OAT: variants seen among roughly 807,000 people sequenced by gnomAD.
The protein encoded by OAT is ornithine aminotransferase, also known as ornithine aminotransferase, mitochondrial.
OAT carries 35 observed loss-of-function variants against 48.4 expected under a neutral mutation model. The ratio of observed to expected loss-of-function variants is 0.72; its 90% CI spans 0.55 to 0.96. The LOEUF (loss-of-function observed/expected upper bound fraction) is 0.96. OAT is among the 40% of genes least tolerant of loss of function. The pLI is 0.00. For synonymous variants in OAT, 182 were observed against 198.4 expected (o/e 0.92, Z 0.70); for missense variants, 438 against 537.9 (o/e 0.81, Z 1.84).
chr10:124,410,393 C>T (rs1484364812), intron 2 of OAT, among the ~76,000 whole-genome samples: 1 of 152,352 alleles, frequency 6.6e-6, no homozygotes, highest in East Asian at 1.9e-4. Context: ...CTGAATGCAA[C>T]TCATCGGAGG....
chr10:124,413,909 C>A (rs1012447232), intron 1 of OAT, among the ~76,000 whole-genome samples: 5 of 151,958 alleles, frequency 3.3e-5, no homozygotes, highest in African/African-American at 1.2e-4. Flanking sequence ...AGGCTTCACA[C>A]ACCTCTTTGT....
intron 9 of OAT, among the ~76,000 whole-genome samples, chr10:124,400,561 T>C (rs1951377568): frequency 6.6e-6 from 1 of 151,738 alleles, no homozygotes; most frequent in Admixed American, 6.6e-5. Flanking sequence ...GAGATCAGCC[T>C]GGCCAACATT....
At chr10:124,399,270 G>A (rs886356416) in intron 9 of OAT, among the ~76,000 whole-genome samples, 3 of 149,506 alleles carry the variant, frequency 2.0e-5, no homozygotes, top group South Asian at 2.1e-4. Context: ...TCCCAGATCC[G>A]TCAAATCAGA....
chr10:124,399,034 A>G (rs1242730559), intron 9 of OAT, among the ~76,000 whole-genome samples: 2 of 152,054 alleles, frequency 1.3e-5, no homozygotes, highest in Non-Finnish European at 2.9e-5. Context: ...CACTGTCTCA[A>G]AAAATAAAAT....
chr10:124,405,008 C>A (rs7094176), intron 5 of OAT, among the ~76,000 whole-genome samples: 1 of 152,098 alleles, frequency 6.6e-6, no homozygotes, highest in Non-Finnish European at 1.5e-5. Context: ...TGTGCCACTG[C>A]GCTCCAGCCT....
Position 124,397,396 on chromosome 10 carries a change from G to A in OAT, c.*546C>T, listed in dbSNP as rs1951263004. The A allele has an allele frequency of 6.6e-6, 1 of 152,164 alleles. No homozygotes were observed. Among genetic ancestry groups the A allele is most frequent in the African/African-American group, 2.4e-5 (1 of 41,408 alleles). The allele number at this position is 152,164 out of a possible 1,614,324, so 9.4% of individuals were successfully genotyped here. A position where few individuals can be genotyped will look rare whatever the true frequency, so the allele number is the denominator to read the frequency against. On this transcript the variant is annotated 3_prime_UTR_variant, in exon 10 of 10. Transcript: ENST00000368845. ...TAATCAAGCACTCAAAACAATTTAG[G>A]AATGTTAAACACTAATTCTTAATTC...
chr10:124,408,789 A>T lies in OAT; in HGVS notation c.376T>A (p.Tyr126Asn). The T allele has an allele frequency of 1.1e-5, 17 of 1,612,020 alleles. No homozygotes were observed. Among genetic ancestry groups the T allele is most frequent in the Non-Finnish European group, 1.4e-5 (17 of 1,179,498 alleles). The change falls in exon 3 of 10, where the codon TAT (tyrosine) becomes AAT (asparagine). Residue 126 changes from tyrosine to asparagine, a missense_variant. Transcript: ENST00000368845. ...YNNVLGEYEE[Y>N]ITKLFNYHKV... ...TGGTAGTTGAAAAGTTTAGTAATATACTCCTCATATTCACCAAGTACGTTA... is the reference window on the plus strand; with the variant it reads ...TGGTAGTTGAAAAGTTTAGTAATATTCTCCTCATATTCACCAAGTACGTTA...
chr10:124,408,305 GTGTGTGTGTGTGTA>G (rs1451586172), intron 4 of OAT, among the ~76,000 whole-genome samples: 11 of 51,384 alleles, frequency 2.1e-4, no homozygotes, highest in African/African-American at 1.1e-3. Context: ...GTGTGTGTGT[GTGTGTGTGTGTGTA>G]TATATATATA....
In OAT at chr10:124,413,069, G is replaced by A. The variant is rs138659699; in HGVS notation, c.-29-869C>T. On this transcript the variant is annotated intron_variant, in intron 1 of 9. Transcript: ENST00000368845. The stretch of plus-strand genomic sequence containing the variant: ...CCCACCACGGCCTCCCAAAGTTTTC[G>A]AATTAAAGGTGTGAGCCACTGTGCC... 9.3e-4 allele frequency among the ~76,000 whole-genome samples: 142 copies of A among 152,114 alleles called. 3 individuals carry two copies. In the East Asian group the frequency reaches 0.024, roughly 26 times the overall value.
At chr10:124,416,603 G>A (rs892139717) in intron 1 of OAT, among the ~76,000 whole-genome samples, 4 of 151,970 alleles carry the variant, frequency 2.6e-5, no homozygotes, top group Non-Finnish European at 5.9e-5. Context: ...TAATTAACAG[G>A]GTCCTTCAGG....
intron 8 of OAT, 72 bp from the exon 9 acceptor site, chr10:124,401,056 G>A (rs1951394908): frequency 7.7e-6 from 8 of 1,042,994 alleles, no homozygotes; most frequent in African/African-American, 1.6e-5. Flanking sequence ...AACGGGGACT[G>A]TAAACACAGG....
chr10:124,413,920 A>AC, intron 1 of OAT, among the ~76,000 whole-genome samples: 1 of 152,084 alleles, frequency 6.6e-6, no homozygotes, highest in East Asian at 1.9e-4. Context: ...ACCTCTTTGT[A>AC]CCCAATTTAC....
At chr10:124,399,601 T>A (rs998049833) in intron 9 of OAT, among the ~76,000 whole-genome samples, 2 of 152,056 alleles carry the variant, frequency 1.3e-5, no homozygotes, top group African/African-American at 4.8e-5. Flanking sequence ...CGTCTCGGCC[T>A]CCCAAAGTGC....
At chr10:124,413,221 A>G (rs529528050) in intron 1 of OAT, among the ~76,000 whole-genome samples, 1 of 152,076 alleles carries the variant, frequency 6.6e-6, no homozygotes, top group Non-Finnish European at 1.5e-5. Flanking sequence ...TAAAGTGTTC[A>G]CAGCAAGTTG....
chr10:124,399,335 ATTCTTT>A (rs1951331795), intron 9 of OAT, among the ~76,000 whole-genome samples: 2 of 100,370 alleles, frequency 2.0e-5, no homozygotes, highest in African/African-American at 3.6e-5. Context: ...TCCCCAGGTG[ATTCTTT>A]TTTTTTTTTT....
At position 124,397,573 on chromosome 10, in the gene OAT, C is replaced by T. The variant is rs1365718882; in HGVS notation, c.*369G>A. ...AAGATGAAGCCTTTTATGCAATACCCAGAGATAACTTTTTCAAATATGAAA... is the reference window on the plus strand; with the variant it reads ...AAGATGAAGCCTTTTATGCAATACCTAGAGATAACTTTTTCAAATATGAAA... On this transcript the variant is annotated 3_prime_UTR_variant, in exon 10 of 10. Coordinates refer to ENST00000368845, the MANE Select transcript of OAT (RefSeq NM_000274.4). 2 of 198,782 alleles carry T rather than the reference C, an allele frequency of 1.0e-5. No homozygotes were observed. Among genetic ancestry groups the T allele is most frequent in the African/African-American group, 4.7e-5 (2 of 42,130 alleles). 12.3% of individuals were successfully genotyped at this position (198,782 alleles called of 1,614,324 possible). A position where few individuals can be genotyped will look rare whatever the true frequency, so the allele number is the denominator to read the frequency against.
intron 1 of OAT, 87 bp from the exon 2 acceptor site, chr10:124,412,287 G>A: frequency 2.1e-6 from 2 of 971,258 alleles, no homozygotes; most frequent in Non-Finnish European, 3.2e-6. Flanking sequence ...GAGGTCAAAG[G>A]ATCACGTGAG....
chr10:124,399,406 C>A (rs897025662), intron 9 of OAT, among the ~76,000 whole-genome samples: 1 of 135,972 alleles, frequency 7.4e-6, no homozygotes, highest in Non-Finnish European at 1.5e-5. Context: ...AGTGCAGCGG[C>A]GCAATCTCAG....
At chr10:124,414,193 C>T (rs1402846299) in intron 1 of OAT, 1 of 152,192 alleles carries the variant, frequency 6.6e-6, no homozygotes, top group African/African-American at 2.4e-5. Flanking sequence ...AATCTCACAG[C>T]CACTCTTGAT....
Sources: allele counts gnomAD v4.1 joint callset (sites outside exome capture counted in the v4.1 genomes callset), GRCh38; gene constraint gnomAD v4.1.1; transcripts MANE v1.5; gene names NCBI Gene and HGNC (gene_info 2026-07-23, HGNC 2026-07-21).